Variants in SLC25A46 observed in about 807,000 individuals in gnomAD.
The protein encoded by SLC25A46 is mitochondrial outer membrane protein SLC25A46.
Under a neutral mutation model 44.6 loss-of-function variants are expected in SLC25A46, and 39 were observed. That is an observed-to-expected ratio of 0.87 (90% CI 0.68 to 1.14). The LOEUF (loss-of-function observed/expected upper bound fraction) is 1.14, where lower values mean the gene tolerates loss of function less well. Ranked by LOEUF, SLC25A46 falls within the 50% of genes most tolerant of loss-of-function variation. The pLI is 0.00. For missense variants in SLC25A46, 547 were observed against 522.7 expected, an observed-to-expected ratio of 1.05 and a Z score of -0.45; for synonymous variants, 202 against 185.8, an observed-to-expected ratio of 1.09 and a Z score of -0.71.
chr5:110,748,062 GT>G (rs1799865909), intron 4 of SLC25A46, 100 bp from the exon 5 acceptor site: 3 of 717,382 alleles, frequency 4.2e-6, no homozygotes, highest in Non-Finnish European at 7.0e-6. Context: ...TTAGAATAAT[GT>G]TTTATTGGAA....
intron 5 of SLC25A46, among the ~76,000 whole-genome samples, chr5:110,751,594 G>A (rs1799970405): frequency 6.6e-6 from 1 of 152,154 alleles, no homozygotes; most frequent in Non-Finnish European, 1.5e-5. Context: ...AGTGACATCA[G>A]ATTTGTTTTC....
At chr5:110,755,594 C>A in intron 6 of SLC25A46, 73 bp downstream of exon 6, 1 of 930,658 alleles carries the variant, frequency 1.1e-6, no homozygotes, top group South Asian at 1.7e-5. Flanking sequence ...GGAAACAAAT[C>A]TTATTAAATA....
intron 3 of SLC25A46, among the ~76,000 whole-genome samples, chr5:110,745,344 C>T (rs1204109457): frequency 6.6e-6 from 1 of 152,098 alleles, no homozygotes; most frequent in Non-Finnish European, 1.5e-5. Flanking sequence ...AACTCCGCCT[C>T]CTGGGTTCAC....
chr5:110,748,337 A>G, intron 5 of SLC25A46, 74 bp downstream of exon 5: 1 of 1,196,288 alleles, frequency 8.4e-7, no homozygotes, highest in South Asian at 1.2e-5. Context: ...GTACATGTGC[A>G]GGCTTGTTAC....
chr5:110,743,816 G>T, intron 3 of SLC25A46, 29 bp downstream of exon 3: 1 of 1,567,388 alleles, frequency 6.4e-7, no homozygotes. Context: ...ATCTTTTGAA[G>T]CAATACTTCT....
intron 5 of SLC25A46, chr5:110,754,793 G>C (rs1800065515): frequency 6.6e-6 from 1 of 152,010 alleles, no homozygotes; most frequent in South Asian, 2.1e-4. Flanking sequence ...GAGAGTACCG[G>C]GGTTTAGAAC....
chr5:110,753,383 T>G (rs1800020025), intron 5 of SLC25A46: 1 of 151,752 alleles, frequency 6.6e-6, no homozygotes, highest in Non-Finnish European at 1.5e-5. Flanking sequence ...ATTTTAGAAT[T>G]TTATTGCCTT....
At chr5:110,744,925 G>A (rs1799779794) in intron 3 of SLC25A46, among the ~76,000 whole-genome samples, 1 of 152,150 alleles carries the variant, frequency 6.6e-6, no homozygotes, top group African/African-American at 2.4e-5. Context: ...AAAGGTCAAG[G>A]ATTCATAAAA....
At chr5:110,742,929 T>C (rs1799725758) in intron 2 of SLC25A46, among the ~76,000 whole-genome samples, 1 of 152,084 alleles carries the variant, frequency 6.6e-6, no homozygotes, top group African/African-American at 2.4e-5. Flanking sequence ...GCCATAATGA[T>C]CATTATTTTA....
chr5:110,743,856 A>G, intron 3 of SLC25A46, 69 bp downstream of exon 3: 1 of 1,195,596 alleles, frequency 8.4e-7, no homozygotes, highest in Non-Finnish European at 1.2e-6. Flanking sequence ...GAACTCACAT[A>G]AATGACATGA....
At chr5:110,738,336 A>C, upstream of SLC25A46, 1 of 1,041,722 alleles carries the variant, frequency 9.6e-7, no homozygotes, top group African/African-American at 1.7e-5. Context: ...CAATACCCTG[A>C]GTGATTTAGA....
chr5:110,748,763 C>T (rs756079295), intron 5 of SLC25A46, among the ~76,000 whole-genome samples: 11 of 152,092 alleles, frequency 7.2e-5, no homozygotes, highest in Middle Eastern at 3.4e-3. Flanking sequence ...TCCAATGTCA[C>T]GGGGTTGGAC....
intron 7 of SLC25A46, 122 bp downstream of exon 7, chr5:110,756,881 T>A: frequency 1.1e-5 from 6 of 538,280 alleles, no homozygotes; most frequent in Non-Finnish European, 1.5e-5. Context: ...AATATTTATT[T>A]TATAAATATC....
rs1460019948 is a variant in SLC25A46, at chr5:110,739,203, C to T, written c.84C>T (p.Phe28=). The change falls in exon 1 of 8, where the codon TTC becomes TTT. Residue 28 remains phenylalanine, a synonymous_variant. Transcript: ENST00000355943. ...ACGAGCAGGGCTTTGGCGGCGCCTT[C>T]CCTGCAAGGTCCTTCAGCACCGGGT... The part of the protein sequence containing the change: ...ARDEQGFGGA[F]PARSFSTGSD... 6 of 1,565,026 alleles carry T rather than the reference C, an allele frequency of 3.8e-6. No individual in the cohort carries two copies. Among genetic ancestry groups the T allele is most frequent in the East Asian group, 2.4e-5 (1 of 42,392 alleles).
chr5:110,757,346 T>C (rs1196364317), intron 7 of SLC25A46, among the ~76,000 whole-genome samples: 1 of 152,170 alleles, frequency 6.6e-6, no homozygotes, highest in Non-Finnish European at 1.5e-5. Context: ...TTTAATTAAA[T>C]GTCTTACCCT....
intron 5 of SLC25A46, chr5:110,755,133 C>T: frequency 5.7e-6 from 1 of 175,140 alleles, no homozygotes; most frequent in East Asian, 1.6e-4. Flanking sequence ...TAATCCTGTT[C>T]TTTGTTTCCA....
At chr5:110,744,168 GCAGT>G (rs1232680050) in intron 3 of SLC25A46, among the ~76,000 whole-genome samples, 1 of 152,120 alleles carries the variant, frequency 6.6e-6, no homozygotes, top group Non-Finnish European at 1.5e-5. Context: ...GTATGCTTCT[GCAGT>G]CAATCTGTTG....
At chr5:110,751,154 A>G (rs546088668) in intron 5 of SLC25A46, among the ~76,000 whole-genome samples, 4 of 152,174 alleles carry the variant, frequency 2.6e-5, no homozygotes, top group Non-Finnish European at 4.4e-5. Flanking sequence ...AGTACTTACT[A>G]TGTGCCAGGT....
intron 5 of SLC25A46, among the ~76,000 whole-genome samples, chr5:110,752,858 TA>T (rs144943751): frequency 0.032 from 4,937 of 152,136 alleles, 262 homozygotes; most frequent in African/African-American, 0.11. Context: ...GCTCTAACCC[TA>T]GATATGAGCG....
Sources: gnomAD v4.1 joint callset for allele counts (sites outside exome capture counted in the v4.1 genomes callset) on GRCh38, gnomAD v4.1.1 for gene constraint, MANE v1.5 for transcripts, NCBI Gene and HGNC (gene_info 2026-07-23, HGNC 2026-07-21) for gene names.